COL5A2: variants seen among roughly 807,000 people sequenced by gnomAD.
The protein encoded by COL5A2 is collagen alpha-2(V) chain.
In COL5A2, 23 loss-of-function variants were observed where a neutral mutation model predicts 208.2. The observed-to-expected ratio is 0.11, with a 90% CI of 0.08 to 0.16. COL5A2 has a LOEUF of 0.16. Among genes scored for constraint, COL5A2 ranks in the 10% least tolerant of loss-of-function variants. The pLI is 1.00. For missense variants in COL5A2, 1,590 were observed against 1,956.4 expected (o/e 0.81, Z 3.53); for synonymous variants, 625 against 628.5 (o/e 0.99, Z 0.08).
chr2:189,306,033 G>A, the COL5A2 span, among the ~76,000 whole-genome samples: 3 of 152,270 alleles, frequency 2.0e-5, no homozygotes, highest in Admixed American at 6.5e-5. Flanking sequence ...CTATTGAATC[G>A]AAGCACCAGC....
intron 45 of COL5A2, among the ~76,000 whole-genome samples, chr2:189,047,971 C>G (rs950161091): frequency 1.3e-5 from 2 of 152,056 alleles, no homozygotes; most frequent in Non-Finnish European, 2.9e-5. Flanking sequence ...TATGTTAAAC[C>G]AAAGATGGCT....
Position 189,045,803 on chromosome 2 carries a change from A to G in COL5A2, c.3306T>C (p.Asp1102=), listed in dbSNP as rs1460831589. 6.2e-7 allele frequency: 1 copy of G among 1,613,630 alleles called. No homozygotes were observed. ...GTGAAATTGACTCCCTCCTTACCGG[A>G]TCTCCTCTTTGTCCTGCATCTCCTG... ...GAPGDAGQRG[D]PGSRGPIGPP... The change falls in exon 46 of 54, where the codon GAT becomes GAC. Residue 1102 remains aspartate, a synonymous_variant. Transcript: ENST00000374866.
the COL5A2 span, among the ~76,000 whole-genome samples, chr2:189,301,931 T>C: frequency 6.6e-6 from 1 of 152,146 alleles, no homozygotes; most frequent in East Asian, 1.9e-4. Flanking sequence ...CAAATTTTTT[T>C]TCAGACGTCA....
intron 1 of COL5A2, among the ~76,000 whole-genome samples, chr2:189,141,792 T>C (rs1042424957): frequency 2.0e-5 from 3 of 152,174 alleles, no homozygotes; most frequent in Non-Finnish European, 4.4e-5. Context: ...AAGGAGTTTA[T>C]AGAGTTTAAT....
At chr2:189,133,210 TC>T (rs1167889877) in intron 1 of COL5A2, 1 of 128,846 alleles carries the variant, frequency 7.8e-6, no homozygotes, top group African/African-American at 3.0e-5. Context: ...AACCTCCACC[TC>T]CCGGGTTCAA....
At chr2:189,271,611 T>A in the COL5A2 span, among the ~76,000 whole-genome samples, 10 of 152,168 alleles carry the variant, frequency 6.6e-5, no homozygotes. Context: ...AAAGACTTCA[T>A]GACTAAAACA....
chr2:189,302,411 A>G, the COL5A2 span, among the ~76,000 whole-genome samples: 1 of 152,112 alleles, frequency 6.6e-6, no homozygotes, highest in Non-Finnish European at 1.5e-5. Context: ...TTTCACTCCA[A>G]CAAATACTCA....
At chr2:189,067,680 AG>A (rs1360720468) in intron 21 of COL5A2, among the ~76,000 whole-genome samples, 1 of 152,160 alleles carries the variant, frequency 6.6e-6, no homozygotes, top group African/African-American at 2.4e-5. Context: ...TTCCTATTGA[AG>A]CTCCATATTC....
the COL5A2 span, among the ~76,000 whole-genome samples, chr2:189,312,767 C>A: frequency 5.3e-5 from 8 of 151,958 alleles, no homozygotes; most frequent in Non-Finnish European, 1.0e-4. Flanking sequence ...ACAGCCTTCA[C>A]TGGTGATACG....
At chr2:189,108,172 C>T (rs1463226680) in intron 2 of COL5A2, among the ~76,000 whole-genome samples, 6 of 151,688 alleles carry the variant, frequency 4.0e-5, no homozygotes, top group African/African-American at 1.4e-4. Flanking sequence ...TCCCATCTGT[C>T]ACCCTAAGTT....
chr2:189,089,374 A>G (rs928787469), intron 7 of COL5A2, among the ~76,000 whole-genome samples: 4 of 152,242 alleles, frequency 2.6e-5, no homozygotes, highest in African/African-American at 9.6e-5. Flanking sequence ...CAAACTGACC[A>G]AAATTGTTCA....
At position 189,034,023 on chromosome 2, in the gene COL5A2, G is replaced by C. The variant is rs759427532; in HGVS notation, c.*47C>G. ...AACAGTCAAAGTTCTTGTGAATGGC[G>C]GTGGTCATTGATGGTGGTGCTCATT... is the stretch of plus-strand genomic sequence containing the variant. On this transcript the variant is annotated 3_prime_UTR_variant, in exon 54 of 54. Coordinates refer to ENST00000374866, the MANE Select transcript of COL5A2 (RefSeq NM_000393.5). 5 of 1,612,244 alleles carry C rather than the reference G, an allele frequency of 3.1e-6. No individual in the cohort carries two copies. The highest frequency in any genetic ancestry group is 2.7e-5 in the African/African-American group (2 of 74,836).
At chr2:189,279,006 T>A in the COL5A2 span, among the ~76,000 whole-genome samples, 1 of 151,986 alleles carries the variant, frequency 6.6e-6, no homozygotes, top group Non-Finnish European at 1.5e-5. Context: ...ATTACTATTA[T>A]CTGTTTAATT....
Position 189,126,158 on chromosome 2 carries a change from TAAC to T in COL5A2, c.98-15712_98-15710del, listed in dbSNP as rs976340388. ...AAATTTATTAGAGATTAATTTCACT[TAAC>T]AATCATTCAGCTTGTTCATCTTAAG... is the stretch of plus-strand genomic sequence containing the variant. On this transcript the variant is annotated intron_variant, in intron 1 of 53. Transcript: ENST00000374866. Among the ~76,000 whole-genome samples the T allele has an allele frequency of 1.1e-4, 16 of 152,206 alleles. No homozygotes were observed. The South Asian group carries it at 1.2e-3, about 12-fold the overall frequency.
At chr2:189,430,262 A>G in the COL5A2 span, among the ~76,000 whole-genome samples, 1 of 152,214 alleles carries the variant, frequency 6.6e-6, no homozygotes, top group Non-Finnish European at 1.5e-5. Flanking sequence ...GTTGAGATAT[A>G]GATACTCATC....
At chr2:189,078,027 T>C (rs1686448916) in intron 16 of COL5A2, among the ~76,000 whole-genome samples, 1 of 152,168 alleles carries the variant, frequency 6.6e-6, no homozygotes, top group African/African-American at 2.4e-5. Context: ...TCTCAATCTG[T>C]ATAATTAAAA....
At chr2:189,250,991 A>T in the COL5A2 span, among the ~76,000 whole-genome samples, 9 of 152,306 alleles carry the variant, frequency 5.9e-5, no homozygotes, top group South Asian at 4.1e-4. Flanking sequence ...TGGAGCCAGA[A>T]GTCTACCCTG....
intron 1 of COL5A2, among the ~76,000 whole-genome samples, chr2:189,176,972 CTTTA>C (rs1174253290): frequency 6.6e-6 from 1 of 152,134 alleles, no homozygotes. Context: ...ATGCCTAAAA[CTTTA>C]TTTATTTACT....
rs1250730945 is a variant in COL5A2 at position 189,034,139 on chromosome 2, A to C, written c.4431T>G (p.Leu1477=). ...CTGTGCCGCCAACATCCACAGGAGC[A>C]AGATCTATGATGGGCAAGCGTGCCA... ...QNVARLPIID[L]APVDVGGTDQ... is the part of the protein sequence containing the mutation. The change falls in exon 54 of 54, where the codon CTT becomes CTG. Residue 1477 remains leucine (L), a synonymous_variant. Transcript: ENST00000374866. 1 of 1,614,074 alleles carries C rather than the reference A, an allele frequency of 6.2e-7. No individual in the cohort carries two copies. Among genetic ancestry groups the C allele is most frequent in the Non-Finnish European group, 8.5e-7 (1 of 1,179,964 alleles).
Sources: allele counts gnomAD v4.1 joint callset (sites outside exome capture counted in the v4.1 genomes callset), GRCh38; gene constraint gnomAD v4.1.1; transcripts MANE v1.5; gene names NCBI Gene and HGNC (gene_info 2026-07-23, HGNC 2026-07-21).